Variants in ARID1B observed in about 807,000 individuals in gnomAD.
ARID1B encodes AT-rich interaction domain 1B.
A neutral mutation model predicts 212.3 loss-of-function variants in ARID1B; 30 were observed. That is an observed-to-expected ratio of 0.14 (90% confidence interval 0.11 to 0.19). The LOEUF (loss-of-function observed/expected upper bound fraction) is 0.19, where lower values mean the gene tolerates loss of function less well. Ranked by LOEUF, ARID1B falls within the 10% of genes least tolerant of loss-of-function variation. ARID1B has a pLI of 1.00. For synonymous variants in ARID1B, 1,402 were observed against 1,301.7 expected, an observed-to-expected ratio of 1.08 and a Z score of -1.66; for missense variants, 2,891 against 3,204.0, an observed-to-expected ratio of 0.90 and a Z score of 2.36.
intron 4 of ARID1B, chr6:157,072,569 AAT>A (rs1784059759): frequency 1.3e-5 from 2 of 152,200 alleles, no homozygotes; most frequent in African/African-American, 4.8e-5. Context: ...TGTTTATATT[AAT>A]ATGACATACA....
chr6:157,150,470 A>G (rs1790112642), intron 8 of ARID1B: 1 of 153,350 alleles, frequency 6.5e-6, no homozygotes, highest in Non-Finnish European at 1.5e-5. Flanking sequence ...TGCTTTTACC[A>G]AAGTCAAAGC....
At chr6:157,167,282 G>A (rs1791399791) in intron 9 of ARID1B, 97 bp downstream of exon 9, 1 of 1,442,880 alleles carries the variant, frequency 6.9e-7, no homozygotes, top group Non-Finnish European at 9.1e-7. Context: ...CGAGAAGGTG[G>A]ATCAGTTGGC....
chr6:156,778,719 G>T lies in ARID1B; in HGVS notation c.1039G>T (p.Gly347Trp). 1 of 1,524,334 alleles carries T rather than the reference G, an allele frequency of 6.6e-7. No individual in the cohort carries two copies. Among genetic ancestry groups the T allele is most frequent in the Non-Finnish European group, 8.8e-7 (1 of 1,134,284 alleles). The allele number at this position is 1,524,334 out of a possible 1,614,324, so 94.4% of individuals were successfully genotyped here. The change falls in exon 1 of 20, where the codon GGG (glycine) becomes TGG (tryptophan). Residue 347 changes from glycine (G) to tryptophan (W), a missense_variant. This residue lies in a region of ARID1B where 1,643 missense variants were observed against 1,544.0 expected (regional missense o/e 1.06). Coordinates refer to ENST00000636930, the MANE Select transcript of ARID1B (RefSeq NM_001374828.1). ...QHGGQQSPGM[G>W]MMHSASAAAA... ...TGGCGGACAACAAAGCCCCGGGATG[G>T]GGATGATGCACTCCGCCTCCGCCGC...
chr6:157,140,153 C>A (rs1486537203), intron 7 of ARID1B, among the ~76,000 whole-genome samples: 2 of 152,080 alleles, frequency 1.3e-5, no homozygotes, highest in Non-Finnish European at 2.9e-5. Context: ...GATAGTTTCT[C>A]TTCACTAATT....
chr6:156,843,926 C>T (rs984072088), intron 2 of ARID1B, among the ~76,000 whole-genome samples: 1 of 152,114 alleles, frequency 6.6e-6, no homozygotes, highest in African/African-American at 2.4e-5. Context: ...CTGGGAACAC[C>T]TGAAGCTGCA....
chr6:156,873,595 T>C (rs970486706), intron 2 of ARID1B, among the ~76,000 whole-genome samples: 2 of 152,248 alleles, frequency 1.3e-5, no homozygotes, highest in Non-Finnish European at 2.9e-5. Context: ...GTTGTGTTTC[T>C]ATGGTTGGCT....
intron 1 of ARID1B, 163 bp downstream of exon 1, chr6:156,779,634 G>T (rs1226516693): frequency 6.4e-6 from 4 of 627,424 alleles, no homozygotes; most frequent in Non-Finnish European, 8.3e-6. Flanking sequence ...CGCCGCGGTC[G>T]GGGCGCCCCG....
At chr6:157,116,920 G>A (rs1006157920) in intron 6 of ARID1B, among the ~76,000 whole-genome samples, 4 of 152,140 alleles carry the variant, frequency 2.6e-5, no homozygotes, top group African/African-American at 9.7e-5. Context: ...TGAGCTGGGC[G>A]AGTTGTGTAT....
At chr6:156,946,684 A>T (rs1368519381) in intron 4 of ARID1B, among the ~76,000 whole-genome samples, 1 of 141,030 alleles carries the variant, frequency 7.1e-6, no homozygotes, top group Non-Finnish European at 1.6e-5. Flanking sequence ...GAGGAAGAAA[A>T]TTGTTGGAAT....
intron 2 of ARID1B, among the ~76,000 whole-genome samples, chr6:156,834,974 C>T (rs1260313164): frequency 6.6e-6 from 1 of 152,122 alleles, no homozygotes; most frequent in Non-Finnish European, 1.5e-5. Context: ...GTGGCTCACG[C>T]CTGTAATCCC....
At chr6:157,037,722 C>A (rs1781423910) in intron 4 of ARID1B, among the ~76,000 whole-genome samples, 1 of 152,176 alleles carries the variant, frequency 6.6e-6, no homozygotes, top group African/African-American at 2.4e-5. Flanking sequence ...ATGACTTTGG[C>A]CACTTTTTGG....
intron 8 of ARID1B, chr6:157,149,758 A>T (rs1790067665): frequency 6.6e-6 from 1 of 152,260 alleles, no homozygotes; most frequent in Non-Finnish European, 1.5e-5. Context: ...ATATCTTCAG[A>T]AGCAAAGTAG....
intron 4 of ARID1B, among the ~76,000 whole-genome samples, chr6:157,036,124 G>C (rs1447994063): frequency 6.6e-6 from 1 of 152,072 alleles, no homozygotes; most frequent in Non-Finnish European, 1.5e-5. Context: ...TCGTGTATTG[G>C]TACTTTGCAA....
chr6:157,171,827 C>G (rs1583447532), intron 9 of ARID1B, among the ~76,000 whole-genome samples: 1 of 152,206 alleles, frequency 6.6e-6, no homozygotes, highest in South Asian at 2.1e-4. Context: ...TCAGTAATTT[C>G]CATAATACAT....
At chr6:156,852,755 A>G (rs1202965088) in intron 2 of ARID1B, among the ~76,000 whole-genome samples, 1 of 152,316 alleles carries the variant, frequency 6.6e-6, no homozygotes, top group Non-Finnish European at 1.5e-5. Flanking sequence ...ACTCTATGCT[A>G]TTTTAGACCT....
intron 4 of ARID1B, among the ~76,000 whole-genome samples, chr6:157,077,972 A>T (rs1468902228): frequency 6.6e-6 from 1 of 152,152 alleles, no homozygotes; most frequent in East Asian, 1.9e-4. Flanking sequence ...TCATCAGTAC[A>T]CTATAATTTG....
chr6:157,007,692 A>C (rs547283322), intron 4 of ARID1B, among the ~76,000 whole-genome samples: 7 of 151,252 alleles, frequency 4.6e-5, no homozygotes, highest in African/African-American at 1.7e-4. Flanking sequence ...TTCCATAGGA[A>C]TTTTTGCAGC....
intron 5 of ARID1B, among the ~76,000 whole-genome samples, chr6:157,097,083 C>G (rs1310410604): frequency 6.6e-6 from 1 of 152,042 alleles, no homozygotes; most frequent in East Asian, 1.9e-4. Context: ...TCGTTCTTTA[C>G]TTTTAAAAGT....
chr6:157,102,604 C>CTTTTT (rs35977420), intron 5 of ARID1B, among the ~76,000 whole-genome samples: 3 of 66,250 alleles, frequency 4.5e-5, no homozygotes, highest in Non-Finnish European at 8.3e-5. Context: ...CTGAGTGGTT[C>CTTTTT]TTTTTTTTTT....
Sources: allele counts gnomAD v4.1 joint callset (sites outside exome capture counted in the v4.1 genomes callset), GRCh38; gene constraint gnomAD v4.1.1; regional missense constraint gnomAD v4.1.1; transcripts MANE v1.5; gene names NCBI Gene and HGNC (gene_info 2026-07-23, HGNC 2026-07-21).